The following NBN variants were observed in gnomAD, a reference collection of about 807,000 sequenced individuals.
The protein encoded by NBN is Nijmegen breakage syndrome 1 (nibrin).
Under a neutral mutation model 90.8 loss-of-function variants are expected in NBN, and 88 were observed. The observed-to-expected ratio is 0.97, with a 90% confidence interval of 0.82 to 1.16. The LOEUF (loss-of-function observed/expected upper bound fraction) is 1.16, where lower values mean the gene tolerates loss of function less well. Ranked by LOEUF, NBN falls within the 50% of genes most tolerant of loss-of-function variation. The pLI is 0.00. For synonymous variants in NBN, 328 were observed against 295.1 expected, an observed-to-expected ratio of 1.11 and a Z score of -1.14; for missense variants, 894 against 869.6, an observed-to-expected ratio of 1.03 and a Z score of -0.35.
intron 11 of NBN, among the ~76,000 whole-genome samples, chr8:89,950,029 T>C (rs1810373414): frequency 6.6e-6 from 1 of 152,260 alleles, no homozygotes; most frequent in South Asian, 2.1e-4. Flanking sequence ...TTATGCAAGC[T>C]GTAACAATCA....
chr8:89,969,556 A>G (rs1187202240), intron 7 of NBN, among the ~76,000 whole-genome samples: 1 of 152,260 alleles, frequency 6.6e-6, no homozygotes, highest in African/African-American at 2.4e-5. Context: ...AAAAAAGCAT[A>G]AAATATTTTT....
At chr8:89,954,255 G>A (rs1163511199) in intron 10 of NBN, among the ~76,000 whole-genome samples, 2 of 152,138 alleles carry the variant, frequency 1.3e-5, no homozygotes, top group Non-Finnish European at 2.9e-5. Context: ...TAAGCCCATA[G>A]AGGACACAAA....
intron 1 of NBN, chr8:89,984,113 C>A (rs1459724804): frequency 1.0e-5 from 3 of 289,252 alleles, no homozygotes; most frequent in East Asian, 1.5e-4. Context: ...CCCAAACTGT[C>A]CAGTAGTTCT....
In NBN at chr8:89,978,181, A is replaced by G. The variant is rs1480046810; in HGVS notation, c.584+39T>C. 5.2e-6 allele frequency: 8 copies of G among 1,525,406 alleles called. No individual in the cohort carries two copies. In the Admixed American group the frequency reaches 6.7e-5, roughly 13 times the overall value. 94.5% of individuals were successfully genotyped at this position (1,525,406 alleles called of 1,614,324 possible). ...CTTAAATAAAAATCAATGCTATCATATAAGTGACATCTTGTTATATTTAAA... is the reference window on the plus strand; with the variant it reads ...CTTAAATAAAAATCAATGCTATCATGTAAGTGACATCTTGTTATATTTAAA... On this transcript the variant is annotated intron_variant, in intron 5 of 15. Coordinates refer to ENST00000265433, the MANE Select transcript of NBN (RefSeq NM_002485.5).
At chr8:89,984,383 TA>T in intron 1 of NBN, 141 bp downstream of exon 1, 1 of 780,618 alleles carries the variant, frequency 1.3e-6, no homozygotes, top group Non-Finnish European at 2.2e-6. Flanking sequence ...GCGCTTGCCA[TA>T]CAGCGTACTC....
intron 5 of NBN, among the ~76,000 whole-genome samples, chr8:89,976,647 TGTCTGTGG>T (rs920710647): frequency 6.6e-6 from 1 of 152,188 alleles, no homozygotes; most frequent in African/African-American, 2.4e-5. Context: ...CCCTCCTCAG[TGTCTGTGG>T]GTGGCCCAGC....
rs1468125809 is a variant in NBN at position 89,953,441 on chromosome 8, T to C, written c.1648A>G (p.Lys550Glu). 2 of 1,613,762 alleles carry C rather than the reference T, an allele frequency of 1.2e-6. No individual in the cohort carries two copies. Among genetic ancestry groups the C allele is most frequent in the African/African-American group, 2.7e-5 (2 of 74,934 alleles). ...ATGGCCACATCATCCATTTCCCTTT[T>C]TTTATTTGATCTTAGCTTTTCTGCA... is the stretch of plus-strand genomic sequence containing the variant. ...HAAEKLRSNKKREMDDVAIED... is the reference protein window; with the variant it reads ...HAAEKLRSNKEREMDDVAIED... Residue 550 changes from lysine to glutamate, a missense_variant, in exon 11 of 16, where the codon AAA becomes GAA. Transcript: ENST00000265433.
Position 89,981,491 on chromosome 8 carries a change from T to A in NBN, c.204A>T (p.Leu68Phe), listed in dbSNP as rs786201800. ...SQTDEIPVLT[L>F]KDNSKYGTFV... ...AGGTACCATACTTAGAATTATCTTT[T>A]AATGTCAATACAGGGATTTCATCTG... The change falls in exon 3 of 16, where the codon TTA (leucine) becomes TTT (phenylalanine). Residue 68 changes from leucine to phenylalanine, a missense_variant. By Grantham distance (22) the Leu-to-Phe change is conservative. Coordinates refer to ENST00000265433, the MANE Select transcript of NBN (RefSeq NM_002485.5). 1 of 1,613,386 alleles carries A rather than the reference T, an allele frequency of 6.2e-7. No homozygotes were observed.
intron 5 of NBN, among the ~76,000 whole-genome samples, chr8:89,977,314 T>C (rs1444833640): frequency 6.6e-6 from 1 of 151,562 alleles, no homozygotes; most frequent in Non-Finnish European, 1.5e-5. Flanking sequence ...AGTGAGAACA[T>C]ACGGTGTTTG....
chr8:89,955,436 C>T lies in NBN; in HGVS notation c.1244G>A (p.Ser415Asn), dbSNP rs764832388. 1.2e-6 allele frequency: 2 copies of T among 1,613,752 alleles called. No homozygotes were observed. The highest frequency in any genetic ancestry group is 8.5e-7 in the Non-Finnish European group (1 of 1,179,790). The change falls in exon 10 of 16, where the codon AGT (serine) becomes AAT (asparagine). Residue 415 changes from serine (S) to asparagine (N), a missense_variant. Ser to Asn is a conservative substitution (Grantham distance 46). Coordinates refer to ENST00000265433, the MANE Select transcript of NBN (RefSeq NM_002485.5). ...ESCKTSSNNNSMVSNTLAKMR... is the reference protein window; with the variant it reads ...ESCKTSSNNNNMVSNTLAKMR... ...CTTAGCCAAAGTATTTGATACCATA[C>T]TATTATTATTAGAGCTTGTTTTGCA...
At chr8:89,935,939 T>G (rs1809651423) in intron 15 of NBN, 1 of 344,328 alleles carries the variant, frequency 2.9e-6, no homozygotes, top group Non-Finnish European at 5.6e-6. Flanking sequence ...TTCCTCCCCA[T>G]AATAAAAGCA....
intron 2 of NBN, chr8:89,982,134 AT>A (rs936745351): frequency 2.6e-4 from 68 of 258,532 alleles, no homozygotes; most frequent in East Asian, 5.9e-4. Flanking sequence ...ATTCCTATGT[AT>A]TTTTTTTAGC....
chr8:89,941,296 TAAGA>T lies in NBN; in HGVS notation c.2184+1953_2184+1956del, dbSNP rs555908689. 1.8e-4 allele frequency among the ~76,000 whole-genome samples: 28 copies of T among 152,160 alleles called. No individual in the cohort carries two copies. In the South Asian group the frequency reaches 5.8e-3, roughly 32 times the overall value. On this transcript the variant is annotated intron_variant, in intron 14 of 15. Transcript: ENST00000265433. ...TCTGAGTGTTACTGGCTTTCGAGCT[TAAGA>T]AAGATGACTGGTCATGCATGCAAGT...
chr8:89,964,813 C>T (rs1417031075), intron 7 of NBN, among the ~76,000 whole-genome samples: 1 of 152,024 alleles, frequency 6.6e-6, no homozygotes, highest in African/African-American at 2.4e-5. Context: ...CCAAATTAAA[C>T]AACAGAACAG....
chr8:89,954,028 A>G (rs1294602123), intron 10 of NBN, among the ~76,000 whole-genome samples: 4 of 152,192 alleles, frequency 2.6e-5, no homozygotes, highest in Non-Finnish European at 5.9e-5. Context: ...AACTTACTTT[A>G]TAACGTAGTA....
At position 89,984,592 on chromosome 8, in the gene NBN, T is replaced by G; in HGVS notation, c.-31A>C. 6.2e-7 allele frequency: 1 copy of G among 1,611,782 alleles called. No homozygotes were observed. The highest frequency in any genetic ancestry group is 8.5e-7 in the Non-Finnish European group (1 of 1,179,338). Reference sequence around the variant, plus strand: ...CGGCTCCTCAGGGCTGGGGCCGACGTGCAACCGCGTAACCGGGGCTGCTAG... The same window carrying G: ...CGGCTCCTCAGGGCTGGGGCCGACGGGCAACCGCGTAACCGGGGCTGCTAG... On this transcript the variant is annotated 5_prime_UTR_variant, in exon 1 of 16. Transcript: ENST00000265433.
chr8:89,956,576 T>G (rs976496282), intron 9 of NBN, among the ~76,000 whole-genome samples: 2 of 152,086 alleles, frequency 1.3e-5, no homozygotes, highest in African/African-American at 4.8e-5. Context: ...CAAGTAACAT[T>G]CAAATATAGG....
chr8:89,978,709 G>A (rs1811893745), intron 4 of NBN, among the ~76,000 whole-genome samples: 1 of 152,006 alleles, frequency 6.6e-6, no homozygotes, highest in African/African-American at 2.4e-5. Context: ...TCTGCTTCAG[G>A]GAAGACAATA....
Position 89,934,381 on chromosome 8 carries a change from C to T in NBN, c.*1201G>A, listed in dbSNP as rs116491182. On this transcript the variant is annotated 3_prime_UTR_variant, in exon 16 of 16. Coordinates refer to ENST00000265433, the MANE Select transcript of NBN (RefSeq NM_002485.5). ...AGATTGGCTCACCCAATTTCTGTTCCCTAGGAAGGCTGAGAAGCTTTTAAA... is the reference window on the plus strand; with the variant it reads ...AGATTGGCTCACCCAATTTCTGTTCTCTAGGAAGGCTGAGAAGCTTTTAAA... 198 of 232,970 alleles carry T rather than the reference C, an allele frequency of 8.5e-4. No homozygotes were observed. Among genetic ancestry groups the T allele is most frequent in the African/African-American group, 3.6e-3 (165 of 45,418 alleles). 14.4% of individuals were successfully genotyped at this position (232,970 alleles called of 1,614,324 possible).
Sources: gnomAD v4.1 joint callset for allele counts (sites outside exome capture counted in the v4.1 genomes callset) on GRCh38, gnomAD v4.1.1 for gene constraint, MANE v1.5 for transcripts, NCBI Gene and HGNC (gene_info 2026-07-23, HGNC 2026-07-21) for gene names.